VNN2: variants seen among roughly 807,000 people sequenced by gnomAD.
VNN2 encodes the protein pantetheine hydrolase VNN2.
In VNN2, 43 loss-of-function variants were observed where a neutral mutation model predicts 43.0. The ratio of observed to expected loss-of-function variants is 1.00; its 90% CI spans 0.78 to 1.29. VNN2 has a LOEUF of 1.29. VNN2 is among the 50% of genes most tolerant of loss of function. The pLI is 0.00. For missense variants in VNN2, 652 were observed against 619.7 expected, an observed-to-expected ratio of 1.05 and a Z score of -0.55; for synonymous variants, 230 against 224.3, an observed-to-expected ratio of 1.03 and a Z score of -0.23.
chr6:132,757,719 G>T lies in VNN2; in HGVS notation c.165C>A (p.Asn55Lys), dbSNP rs375725220. ...CTGTCTCCAGAATGTCTATATTCTC[G>T]TTCATGAGATTCAAGGCATCCTCCT... is the stretch of plus-strand genomic sequence containing the variant. ...VSQEDALNLM[N>K]ENIDILETAI... The change falls in exon 1 of 7, where the codon AAC becomes AAA. Residue 55 changes from asparagine to lysine, a missense_variant. By Grantham distance (94) the Asn-to-Lys change is moderately conservative. Transcript: ENST00000326499. The T allele has an allele frequency of 1.2e-5, 19 of 1,613,960 alleles. No individual in the cohort carries two copies. The highest frequency in any genetic ancestry group is 1.4e-5 in the Non-Finnish European group (16 of 1,180,028).
intron 5 of VNN2, 67 bp from the exon 6 acceptor site, chr6:132,749,932 C>A (rs33938039): frequency 0.065 from 92,841 of 1,435,892 alleles, 3,515 homozygotes; most frequent in Non-Finnish European, 0.074. Flanking sequence ...AGAAATGTTG[C>A]CTTAGTTTTT....
intron 6 of VNN2, among the ~76,000 whole-genome samples, chr6:132,745,915 A>C (rs1046167828): frequency 1.3e-5 from 2 of 152,264 alleles, no homozygotes; most frequent in African/African-American, 4.8e-5. Flanking sequence ...TTGGGAAATT[A>C]GTTGGAGTGG....
chr6:132,745,755 G>A (rs1158917983), intron 6 of VNN2, among the ~76,000 whole-genome samples: 1 of 152,196 alleles, frequency 6.6e-6, no homozygotes, highest in Non-Finnish European at 1.5e-5. Flanking sequence ...TGAAGCCACA[G>A]TGGAGTTTTC....
chr6:132,749,885 A>C lies in VNN2; in HGVS notation c.1201-20T>G, dbSNP rs753958394. On this transcript the variant is annotated intron_variant, in intron 5 of 6. Coordinates refer to ENST00000326499, the MANE Select transcript of VNN2 (RefSeq NM_004665.6). ...GCAGACCTATGTGGAACAAACGCAG[A>C]TAAAACGCAATGCCTTACATTGAAG... 1 of 1,601,680 alleles carries C rather than the reference A, an allele frequency of 6.2e-7. No individual in the cohort carries two copies. Among genetic ancestry groups the C allele is most frequent in the South Asian group, 1.1e-5 (1 of 89,006 alleles).
At chr6:132,760,721 G>A (rs983211151), upstream of VNN2, 21 of 152,112 alleles carry the variant, frequency 1.4e-4, no homozygotes, top group African/African-American at 4.8e-4. Flanking sequence ...GGAGTTAACA[G>A]TTTTATAATT....
Position 132,757,759 on chromosome 6 carries a change from T to G in VNN2, c.125A>C (p.Glu42Ala), listed in dbSNP as rs1780571843. 1.2e-6 allele frequency: 2 copies of G among 1,614,060 alleles called. No individual in the cohort carries two copies. Among genetic ancestry groups the G allele is most frequent in the Admixed American group, 1.7e-5 (1 of 60,006 alleles). Residue 42 changes from glutamate to alanine, a missense_variant, in exon 1 of 7, where the codon GAA becomes GCA. Coordinates refer to ENST00000326499, the MANE Select transcript of VNN2 (RefSeq NM_004665.6). ...GGCATCCTCCTGAGAAACTGGTGTT[T>G]CTGTTTTATTTGGCAAAATGACAGC... ...EHAVILPNKTETPVSQEDALN... is the reference protein window; with the variant it reads ...EHAVILPNKTATPVSQEDALN...
chr6:132,758,504 T>C (rs1444678037), upstream of VNN2, among the ~76,000 whole-genome samples: 1 of 152,164 alleles, frequency 6.6e-6, no homozygotes, highest in Admixed American at 6.5e-5. Context: ...AATTCAAATA[T>C]AGAACAATTC....
chr6:132,762,968 A>G (rs757345681), intron 1 of VNN2, among the ~76,000 whole-genome samples: 1 of 152,228 alleles, frequency 6.6e-6, no homozygotes, highest in African/African-American at 2.4e-5. Flanking sequence ...AAATATTAAC[A>G]ATATTAATCT....
chr6:132,752,552 C>G lies in VNN2; in HGVS notation c.735G>C (p.Leu245Phe). The G allele has an allele frequency of 2.5e-6, 4 of 1,614,122 alleles. No individual in the cohort carries two copies. Among genetic ancestry groups the G allele is most frequent in the Non-Finnish European group, 3.4e-6 (4 of 1,180,008 alleles). ...AAGCTGAATGGAATTCAATAGCTGTCAAAAGGGGCAAAACGTTCATCCAAG... is the reference window on the plus strand; with the variant it reads ...AAGCTGAATGGAATTCAATAGCTGTGAAAAGGGGCAAAACGTTCATCCAAG... ...PTAWMNVLPL[L>F]TAIEFHSAWA... Residue 245 changes from leucine (L) to phenylalanine (F), a missense_variant, in exon 4 of 7, where the codon TTG becomes TTC. By Grantham distance (22) the Leu-to-Phe change is conservative (BLOSUM62 0). Transcript: ENST00000326499.
intron 2 of VNN2, 89 bp from the exon 3 acceptor site, chr6:132,756,124 G>A: frequency 8.0e-7 from 1 of 1,249,504 alleles, no homozygotes; most frequent in Non-Finnish European, 1.1e-6. Flanking sequence ...AACCACTTAA[G>A]TGGAACTTAA....
intron 6 of VNN2, among the ~76,000 whole-genome samples, chr6:132,745,222 T>TC (rs1005453042): frequency 8.5e-5 from 13 of 152,240 alleles, no homozygotes; most frequent in African/African-American, 3.1e-4. Context: ...ATTCTTTTTT[T>TC]CCCCCTTTTT....
chr6:132,755,746 A>T lies in VNN2; in HGVS notation c.537+97T>A, dbSNP rs2114608057. ...AAACAAAACAAAAAAACCCTCTAGT[A>T]ATATTGTATCATATAGGGAATGAAA... is the stretch of plus-strand genomic sequence containing the variant. On this transcript the variant is annotated intron_variant, in intron 3 of 6. Transcript: ENST00000326499. 5 of 1,243,542 alleles carry T rather than the reference A, an allele frequency of 4.0e-6. No homozygotes were observed. The South Asian group carries it at 9.0e-5, about 22-fold the overall frequency. The allele number at this position is 1,243,542 out of a possible 1,614,324, so 77.0% of individuals were successfully genotyped here.
chr6:132,753,355 C>T, intron 3 of VNN2: 8 of 369,798 alleles, frequency 2.2e-5, no homozygotes, highest in South Asian at 1.6e-4. Flanking sequence ...AAAAAACATG[C>T]ATTATTCTTC....
intron 3 of VNN2, chr6:132,753,437 T>C: frequency 4.5e-6 from 2 of 446,886 alleles, no homozygotes; most frequent in Non-Finnish European, 4.5e-6. Context: ...AGGTGAGAGA[T>C]GTCATCTCTC....
At chr6:132,744,707 TG>T (rs1239669724) in intron 6 of VNN2, among the ~76,000 whole-genome samples, 1 of 152,132 alleles carries the variant, frequency 6.6e-6, no homozygotes, top group Non-Finnish European at 1.5e-5. Flanking sequence ...AACAATCAAA[TG>T]TAACCATTAA....
Position 132,751,415 on chromosome 6 carries a change from G to A in VNN2, c.930C>T (p.Ser310=), listed in dbSNP as rs756503304. The A allele has an allele frequency of 3.8e-5, 62 of 1,614,062 alleles. 1 individual carries two copies. The South Asian group carries it at 5.4e-4, about 14-fold the overall frequency. ...TAACAGCTGTTGGGTAGGCAAGCGA[G>A]GATAGGGGATGTGAATCCACCTCTG... is the stretch of plus-strand genomic sequence containing the variant. The part of the protein sequence containing the change: ...LLSEVDSHPL[S]SLAYPTAVNW... Residue 310 remains serine (S), a synonymous_variant, in exon 5 of 7, where the codon TCC becomes TCT. Coordinates refer to ENST00000326499, the MANE Select transcript of VNN2 (RefSeq NM_004665.6).
intron 6 of VNN2, 63 bp downstream of exon 6, chr6:132,749,632 G>T: frequency 6.8e-7 from 1 of 1,468,898 alleles, no homozygotes; most frequent in South Asian, 1.3e-5. Context: ...AGTGGCTATA[G>T]CTTGTTTTAC....
upstream of VNN2, among the ~76,000 whole-genome samples, chr6:132,759,451 A>AAAC (rs367786882): frequency 0.038 from 5,725 of 149,754 alleles, 183 homozygotes; most frequent in Middle Eastern, 0.059. Context: ...AAAAAAAAAA[A>AAAC]AAAAAAAAAA....
chr6:132,749,821 A>G lies in VNN2; in HGVS notation c.1245T>C (p.Cys415=). 1.9e-6 allele frequency: 3 copies of G among 1,614,154 alleles called. No individual in the cohort carries two copies. Among genetic ancestry groups the G allele is most frequent in the Non-Finnish European group, 2.5e-6 (3 of 1,179,978 alleles). The part of the protein sequence containing the change: ...LKCKTTNLTT[C]GRPVETASTR... ...TAGAAGCAGTTTCTACTGGCCGTCC[A>G]CAAGTTGTCAAATTAGTAGTTTTGC... Residue 415 remains cysteine (C), a synonymous_variant, in exon 6 of 7, where the codon TGT becomes TGC. Coordinates refer to ENST00000326499, the MANE Select transcript of VNN2 (RefSeq NM_004665.6).
Sources: allele counts gnomAD v4.1 joint callset (sites outside exome capture counted in the v4.1 genomes callset), GRCh38; gene constraint gnomAD v4.1.1; transcripts MANE v1.5; gene names NCBI Gene and HGNC (gene_info 2026-07-23, HGNC 2026-07-21).